Variants in CDK14 observed in about 807,000 individuals in gnomAD.
CDK14 encodes the protein cyclin dependent kinase 14.
CDK14 carries 34 observed loss-of-function variants against 60.7 expected under a neutral mutation model. The observed-to-expected ratio is 0.56, with a 90% CI of 0.43 to 0.75. CDK14 has a LOEUF of 0.75. CDK14 is among the 30% of genes least tolerant of loss of function. CDK14 has a pLI of 0.00. For synonymous variants in CDK14, 197 were observed against 203.7 expected, an observed-to-expected ratio of 0.97 and a Z score of 0.28; for missense variants, 482 against 564.1, an observed-to-expected ratio of 0.85 and a Z score of 1.47.
intron 2 of CDK14, among the ~76,000 whole-genome samples, chr7:90,648,303 T>C (rs1216681098): frequency 6.6e-6 from 1 of 152,198 alleles, no homozygotes; most frequent in African/African-American, 2.4e-5. Flanking sequence ...TGGACCTCTC[T>C]GTAGGGTTGC....
intron 2 of CDK14, among the ~76,000 whole-genome samples, chr7:90,666,739 G>T (rs767610295): frequency 1.3e-5 from 2 of 152,162 alleles, no homozygotes; most frequent in Non-Finnish European, 2.9e-5. Flanking sequence ...GGCAGGTTTT[G>T]TTCCTCTTTG....
Position 90,596,733 on chromosome 7 carries a change from GC to G in CDK14, c.91+20del. On this transcript the variant is annotated intron_variant, in intron 1 of 14. Transcript: ENST00000380050. Reference sequence around the variant, plus strand: ...CAGTCGCATTGGTGAGTAGCGCGCTGCCCCCGGCCCCCCCAGCGCCCGCTCC... The same window carrying G: ...CAGTCGCATTGGTGAGTAGCGCGCTGCCCCGGCCCCCCCAGCGCCCGCTCC... 5.6e-6 allele frequency: 9 copies of G among 1,598,366 alleles called. No homozygotes were observed. The highest frequency in any genetic ancestry group is 1.1e-5 in the South Asian group (1 of 90,654).
At chr7:91,154,348 T>C (rs944661627) in intron 14 of CDK14, among the ~76,000 whole-genome samples, 2 of 151,948 alleles carry the variant, frequency 1.3e-5, no homozygotes, top group Non-Finnish European at 2.9e-5. Context: ...ATTAAAGTTG[T>C]TTCCAAGTCC....
chr7:90,649,644 T>C (rs1201656219), intron 2 of CDK14, among the ~76,000 whole-genome samples: 1 of 151,678 alleles, frequency 6.6e-6, no homozygotes, highest in Admixed American at 6.6e-5. Context: ...TGGCGAGTGA[T>C]GTTCCCCGCC....
At chr7:91,198,766 CTGTA>C in intron 14 of CDK14, among the ~76,000 whole-genome samples, 1 of 152,276 alleles carries the variant, frequency 6.6e-6, no homozygotes, top group East Asian at 1.9e-4. Flanking sequence ...TCGTAGGTGA[CTGTA>C]TGTTTGGAAT....
At chr7:90,987,012 T>G (rs1795389362) in intron 10 of CDK14, among the ~76,000 whole-genome samples, 1 of 94,126 alleles carries the variant, frequency 1.1e-5, no homozygotes, top group Non-Finnish European at 2.3e-5. Context: ...AAGAAATTGT[T>G]ATATAACTGA....
At chr7:90,976,440 C>T (rs1795074251) in intron 9 of CDK14, among the ~76,000 whole-genome samples, 3 of 152,050 alleles carry the variant, frequency 2.0e-5, no homozygotes, top group Admixed American at 2.0e-4. Context: ...ATTGCAGCTT[C>T]AATCTCCTGG....
At chr7:90,855,276 C>T (rs1584049379) in intron 5 of CDK14, among the ~76,000 whole-genome samples, 1 of 152,252 alleles carries the variant, frequency 6.6e-6, no homozygotes, top group East Asian at 1.9e-4. Context: ...ATATTTCCAC[C>T]AGTATCCAAG....
At chr7:91,042,435 G>A (rs1387155944) in intron 10 of CDK14, among the ~76,000 whole-genome samples, 1 of 152,048 alleles carries the variant, frequency 6.6e-6, no homozygotes, top group Non-Finnish European at 1.5e-5. Flanking sequence ...TTTTGTTGAA[G>A]GCCATTCATC....
intron 4 of CDK14, among the ~76,000 whole-genome samples, chr7:90,782,108 A>C (rs1805354090): frequency 6.6e-6 from 1 of 151,984 alleles, no homozygotes; most frequent in Non-Finnish European, 1.5e-5. Flanking sequence ...AGTGGTTTGT[A>C]GTTCTCCTTG....
chr7:90,721,178 T>C (rs1802437924), intron 2 of CDK14, among the ~76,000 whole-genome samples: 1 of 152,178 alleles, frequency 6.6e-6, no homozygotes. Context: ...GTGTTGCTTT[T>C]CTTTCTACAC....
chr7:91,154,370 T>C (rs1800918234), intron 14 of CDK14, among the ~76,000 whole-genome samples: 1 of 151,980 alleles, frequency 6.6e-6, no homozygotes, highest in Non-Finnish European at 1.5e-5. Flanking sequence ...AACTACATGA[T>C]TCATGTTGCC....
At chr7:90,750,398 G>A (rs377560198) in intron 4 of CDK14, among the ~76,000 whole-genome samples, 3 of 152,224 alleles carry the variant, frequency 2.0e-5, no homozygotes, top group East Asian at 3.9e-4. Flanking sequence ...TGGAAACTCA[G>A]AAATGACAGA....
intron 8 of CDK14, among the ~76,000 whole-genome samples, chr7:90,944,646 C>T (rs1419220848): frequency 6.6e-6 from 1 of 152,170 alleles, no homozygotes; most frequent in Non-Finnish European, 1.5e-5. Context: ...CTGAGAGGAC[C>T]TCTTGAGCCC....
At chr7:91,203,533 C>G (rs1362388270) in intron 14 of CDK14, among the ~76,000 whole-genome samples, 2 of 152,114 alleles carry the variant, frequency 1.3e-5, no homozygotes, top group Non-Finnish European at 2.9e-5. Context: ...TTGTGGGTAC[C>G]AGGTCTCCAT....
chr7:91,053,145 C>T (rs1242025490), intron 11 of CDK14, among the ~76,000 whole-genome samples: 4 of 152,112 alleles, frequency 2.6e-5, no homozygotes, highest in Non-Finnish European at 5.9e-5. Context: ...TAACACCTTA[C>T]GTTTTATGCT....
chr7:90,872,860 A>G (rs1188414392), intron 6 of CDK14, among the ~76,000 whole-genome samples: 1 of 152,204 alleles, frequency 6.6e-6, no homozygotes, highest in East Asian at 1.9e-4. Flanking sequence ...ACCATAGATC[A>G]AACTATTTTA....
intron 7 of CDK14, among the ~76,000 whole-genome samples, chr7:90,903,321 AT>A (rs1792580517): frequency 6.6e-6 from 1 of 152,216 alleles, no homozygotes; most frequent in African/African-American, 2.4e-5. Context: ...CTAAGTGTCC[AT>A]CAACAAATTG....
chr7:91,003,248 A>G (rs17163494), intron 10 of CDK14, among the ~76,000 whole-genome samples: 3,033 of 152,186 alleles, frequency 0.02, 163 homozygotes, highest in East Asian at 0.18. Context: ...AGCTAGTTCT[A>G]CTAATTCTAG....
Sources: gnomAD v4.1 joint callset for allele counts (sites outside exome capture counted in the v4.1 genomes callset) on GRCh38, gnomAD v4.1.1 for gene constraint, MANE v1.5 for transcripts, NCBI Gene and HGNC (gene_info 2026-07-23, HGNC 2026-07-21) for gene names.